Variants in PPM1H observed in about 807,000 individuals in gnomAD.
PPM1H encodes protein phosphatase 1H.
In PPM1H, 27 loss-of-function variants were observed where a neutral mutation model predicts 54.9. The ratio of observed to expected loss-of-function variants is 0.49; its 90% CI spans 0.36 to 0.68. The LOEUF (loss-of-function observed/expected upper bound fraction) is 0.68, where lower values mean the gene tolerates loss of function less well. Among genes scored for constraint, PPM1H ranks in the 30% least tolerant of loss-of-function variants. The pLI is 0.00. For synonymous variants in PPM1H, 305 were observed against 270.8 expected (o/e 1.13, Z -1.24); for missense variants, 596 against 667.8 (o/e 0.89, Z 1.19).
rs2076111574 is a variant in PPM1H, at chr12:62,695,800, A to C, written c.1074-1801T>G. Among the ~76,000 whole-genome samples, 4 of 152,262 alleles carry C rather than the reference A, an allele frequency of 2.6e-5. No homozygotes were observed. The South Asian group carries it at 8.3e-4, about 32-fold the overall frequency. ...GCCCCTTATCAGCTTGACCCTTAAGACAACAGACTACATGGCTCAAGGGAG... is the reference window on the plus strand; with the variant it reads ...GCCCCTTATCAGCTTGACCCTTAAGCCAACAGACTACATGGCTCAAGGGAG... On this transcript the variant is annotated intron_variant, in intron 6 of 9. Coordinates refer to ENST00000228705, the MANE Select transcript of PPM1H (RefSeq NM_020700.2).
At chr12:62,714,580 A>G (rs1355626832) in intron 6 of PPM1H, among the ~76,000 whole-genome samples, 1 of 152,048 alleles carries the variant, frequency 6.6e-6, no homozygotes, top group Non-Finnish European at 1.5e-5. Context: ...CACCACACTT[A>G]GAGGTTCGCA....
intron 8 of PPM1H, among the ~76,000 whole-genome samples, chr12:62,689,176 T>C (rs1398034444): frequency 1.3e-5 from 2 of 152,070 alleles, no homozygotes; most frequent in African/African-American, 4.8e-5. Context: ...AAAAAGAATT[T>C]GGATGTTTGG....
At chr12:62,906,718 A>G (rs1871312593) in intron 1 of PPM1H, among the ~76,000 whole-genome samples, 1 of 152,214 alleles carries the variant, frequency 6.6e-6, no homozygotes, top group African/African-American at 2.4e-5. Flanking sequence ...GGTAGAGGCA[A>G]CAATAGAAGA....
chr12:62,876,854 G>C (rs1452445057), intron 1 of PPM1H, among the ~76,000 whole-genome samples: 1 of 152,134 alleles, frequency 6.6e-6, no homozygotes, highest in East Asian at 1.9e-4. Context: ...TTTCTCCATT[G>C]TACCCAGTTG....
chr12:62,725,218 G>A (rs1398971474), intron 5 of PPM1H, among the ~76,000 whole-genome samples: 2 of 152,230 alleles, frequency 1.3e-5, no homozygotes. Context: ...TCTGCAGGAT[G>A]TTCTTCCAAG....
intron 1 of PPM1H, among the ~76,000 whole-genome samples, chr12:62,900,517 C>T (rs972184992): frequency 7.2e-6 from 1 of 139,398 alleles, no homozygotes; most frequent in African/African-American, 2.7e-5. Flanking sequence ...CACATGTACC[C>T]TAGAACTTAA....
intron 1 of PPM1H, among the ~76,000 whole-genome samples, chr12:62,874,640 T>G (rs1422578757): frequency 6.6e-6 from 1 of 152,184 alleles, no homozygotes; most frequent in Non-Finnish European, 1.5e-5. Context: ...GAATCAAGAC[T>G]GCTGAGAACC....
At chr12:62,791,704 T>C (rs141432521) in intron 3 of PPM1H, among the ~76,000 whole-genome samples, 2,775 of 152,308 alleles carry the variant, frequency 0.018, 81 homozygotes, top group African/African-American at 0.064. Context: ...GTGGATCACC[T>C]GAGGTCAGGA....
At chr12:62,895,944 T>C (rs1482683174) in intron 1 of PPM1H, among the ~76,000 whole-genome samples, 1 of 152,104 alleles carries the variant, frequency 6.6e-6, no homozygotes, top group African/African-American at 2.4e-5. Context: ...ACAAAATAAA[T>C]AGACTAAGAG....
At chr12:62,701,556 T>C (rs1024763635) in intron 6 of PPM1H, among the ~76,000 whole-genome samples, 4 of 152,216 alleles carry the variant, frequency 2.6e-5, no homozygotes, top group Non-Finnish European at 5.9e-5. Context: ...CTTAAAGTTC[T>C]CCACTGAATT....
At position 62,682,631 on chromosome 12, in the gene PPM1H, G is replaced by A. The variant is rs552306268; in HGVS notation, c.1245+7068C>T. 3.3e-5 allele frequency among the ~76,000 whole-genome samples: 5 copies of A among 152,242 alleles called. No homozygotes were observed. The East Asian group carries it at 9.7e-4, about 29-fold the overall frequency. On this transcript the variant is annotated intron_variant, in intron 8 of 9. Transcript: ENST00000228705. ...ATTCTCTGGCCTCTCAGTCTCCTGA[G>A]TAGCTGAGATTACAGGTGTGCACCA...
intron 5 of PPM1H, among the ~76,000 whole-genome samples, chr12:62,727,380 C>T (rs918276185): frequency 2.6e-5 from 4 of 152,224 alleles, no homozygotes; most frequent in Admixed American, 1.3e-4. Flanking sequence ...AGCCTTCAAT[C>T]TTTTGAAAAA....
intron 1 of PPM1H, among the ~76,000 whole-genome samples, chr12:62,915,449 C>T (rs764452191): frequency 1.4e-4 from 22 of 152,208 alleles, no homozygotes; most frequent in Non-Finnish European, 2.1e-4. Context: ...GTGCAGGAAA[C>T]GTCCAGGTGA....
intron 1 of PPM1H, among the ~76,000 whole-genome samples, chr12:62,857,467 T>G (rs77180237): frequency 0.014 from 2,125 of 152,274 alleles, 28 homozygotes; most frequent in Non-Finnish European, 0.017. Flanking sequence ...TTTAAAAAAT[T>G]TATTGTATTT....
At chr12:62,748,575 G>A (rs1414693072) in intron 4 of PPM1H, among the ~76,000 whole-genome samples, 1 of 147,694 alleles carries the variant, frequency 6.8e-6, no homozygotes, top group Non-Finnish European at 1.5e-5. Context: ...CACGTGTGAG[G>A]AAGGGCCTGC....
At chr12:62,927,753 A>G (rs1473915172) in intron 1 of PPM1H, among the ~76,000 whole-genome samples, 1 of 152,080 alleles carries the variant, frequency 6.6e-6, no homozygotes, top group East Asian at 1.9e-4. Context: ...GAGACATGTT[A>G]TAAGACATGT....
intron 2 of PPM1H, among the ~76,000 whole-genome samples, chr12:62,816,690 C>T (rs967085708): frequency 4.0e-5 from 6 of 151,202 alleles, no homozygotes; most frequent in Admixed American, 2.6e-4. Context: ...GCACTAAAAT[C>T]GGCGTCTGGT....
At chr12:62,705,004 C>T (rs2076165162) in intron 6 of PPM1H, among the ~76,000 whole-genome samples, 1 of 152,192 alleles carries the variant, frequency 6.6e-6, no homozygotes, top group South Asian at 2.1e-4. Context: ...TAGCAAGAGG[C>T]AACAGAGATT....
At chr12:62,659,335 C>T (rs1029758687) in intron 9 of PPM1H, 6 of 450,070 alleles carry the variant, frequency 1.3e-5, no homozygotes, top group African/African-American at 6.1e-5. Flanking sequence ...TCCATAAAGC[C>T]GCCTTTTAAT....
Sources: allele counts gnomAD v4.1 joint callset (sites outside exome capture counted in the v4.1 genomes callset), GRCh38; gene constraint gnomAD v4.1.1; transcripts MANE v1.5; gene names NCBI Gene and HGNC (gene_info 2026-07-23, HGNC 2026-07-21).